The following AIFM3 variants were observed in gnomAD, a reference collection of about 807,000 sequenced individuals.
The protein encoded by AIFM3 is AIF family member 3.
In AIFM3, 71 loss-of-function variants were observed where a neutral mutation model predicts 82.7. The ratio of observed to expected loss-of-function variants is 0.86; its 90% CI spans 0.71 to 1.05. The LOEUF (loss-of-function observed/expected upper bound fraction) is 1.05. Among genes scored for constraint, AIFM3 ranks in the 50% least tolerant of loss-of-function variants. The pLI, the probability that AIFM3 is intolerant of heterozygous loss-of-function variation, is 0.00. For synonymous variants in AIFM3, 337 were observed against 329.1 expected (o/e 1.02, Z -0.26); for missense variants, 748 against 816.7 (o/e 0.92, Z 1.03).
Position 20,976,208 on chromosome 22 carries a change from A to T in AIFM3, c.808-7A>T. On this transcript the variant is annotated splice_polypyrimidine_tract_variant and splice_region_variant and intron_variant, in intron 9 of 20. Coordinates refer to ENST00000440238, the MANE Select transcript of AIFM3 (RefSeq NM_001386814.1). ...CAAGCTCATGCTCTGCCTGGTGGGG[A>T]TTGCAGGTGGTCACAGTGGACGTGA... 6.2e-7 allele frequency: 1 copy of T among 1,612,242 alleles called. No individual in the cohort carries two copies. The highest frequency in any genetic ancestry group is 2.2e-5 in the East Asian group (1 of 44,808).
chr22:20,970,365 C>G (rs1923191868), intron 2 of AIFM3, among the ~76,000 whole-genome samples: 1 of 152,206 alleles, frequency 6.6e-6, no homozygotes, highest in Admixed American at 6.5e-5. Flanking sequence ...TAGCTCGCAG[C>G]AACCTAGAAC....
chr22:20,981,174 CCCCTCCTGGGAGGCCT>C lies in AIFM3; in HGVS notation c.*145_*160del. 8.4e-7 allele frequency: 1 copy of C among 1,196,696 alleles called. No individual in the cohort carries two copies. The highest frequency in any genetic ancestry group is 1.2e-6 in the Non-Finnish European group (1 of 846,238). 74.1% of individuals were successfully genotyped at this position (1,196,696 alleles called of 1,614,324 possible). On this transcript the variant is annotated 3_prime_UTR_variant, in exon 21 of 21. Coordinates refer to ENST00000440238, the MANE Select transcript of AIFM3 (RefSeq NM_001386814.1). ...AGTGCTTGCCTTCAGCCACCTGGCT[CCCCTCCTGGGAGGCCT>C]CTGCTGGATCCAGAAGATGCTCAAC...
rs1267553294 is a variant in AIFM3, at chr22:20,973,781, G to T, written c.269G>T (p.Trp90Leu). 22 of 1,578,338 alleles carry T rather than the reference G, an allele frequency of 1.4e-5. No individual in the cohort carries two copies. The highest frequency in any genetic ancestry group is 1.9e-5 in the Non-Finnish European group (22 of 1,162,146). ...NGQMREVELG[W>L]GKVLLVKDNG... ...AGGATGCGGGAAGTGGAGCTGGGCT[G>T]GGGGAAGGTGTTGCTGGTGAAGGAC... Residue 90 changes from tryptophan to leucine, a missense_variant, in exon 4 of 21, where the codon TGG (tryptophan) becomes TTG (leucine). This residue lies in a region of AIFM3 where 148 missense variants were observed against 134.1 expected (regional missense o/e 1.10). Transcript: ENST00000440238.
At chr22:20,965,686 T>C (rs1281969211), upstream of AIFM3, among the ~76,000 whole-genome samples, 2 of 152,088 alleles carry the variant, frequency 1.3e-5, no homozygotes, top group Admixed American at 6.5e-5. Context: ...GAGTCCGATC[T>C]GGGCAGGAGC....
At chr22:20,971,977 G>A (rs1018357688) in intron 2 of AIFM3, among the ~76,000 whole-genome samples, 2 of 152,044 alleles carry the variant, frequency 1.3e-5, no homozygotes, top group East Asian at 1.9e-4. Flanking sequence ...GGGGGGGGGG[G>A]GCTGTGCCCC....
upstream of AIFM3, chr22:20,966,359 G>A (rs979052751): frequency 6.6e-6 from 1 of 152,298 alleles, no homozygotes; most frequent in Non-Finnish European, 1.5e-5. Flanking sequence ...ATGACAAGTG[G>A]GGGAAAGAGC....
At chr22:20,969,724 G>C (rs1043267305) in intron 2 of AIFM3, among the ~76,000 whole-genome samples, 6 of 152,178 alleles carry the variant, frequency 3.9e-5, no homozygotes, top group Non-Finnish European at 8.8e-5. Flanking sequence ...TCTGAGCTGG[G>C]CTCTGTGCTG....
chr22:20,974,179 C>T lies in AIFM3; in HGVS notation c.465+7C>T, dbSNP rs934534984. On this transcript the variant is annotated splice_region_variant and intron_variant, in intron 5 of 20. Transcript: ENST00000440238. ...CAGTCTACACAAGTTCCAGGTGGGG[C>T]CAGGAGTGCGATGGGGTGGGAACCT... 6.2e-7 allele frequency: 1 copy of T among 1,613,228 alleles called. No individual in the cohort carries two copies. The highest frequency in any genetic ancestry group is 8.5e-7 in the Non-Finnish European group (1 of 1,179,822).
intron 3 of AIFM3, 31 bp from the exon 4 acceptor site, chr22:20,973,727 G>T: frequency 6.6e-7 from 1 of 1,513,434 alleles, no homozygotes; most frequent in South Asian, 1.3e-5. Context: ...CCTGGTGTCT[G>T]GCCTGACCTC....
At chr22:20,968,110 T>C in intron 2 of AIFM3, 135 bp downstream of exon 2, 4 of 915,232 alleles carry the variant, frequency 4.4e-6, no homozygotes, top group Middle Eastern at 2.5e-4. Flanking sequence ...CTCGGAATGT[T>C]AATACGCTGC....
At chr22:20,969,482 T>G (rs915201788) in intron 2 of AIFM3, among the ~76,000 whole-genome samples, 9 of 151,778 alleles carry the variant, frequency 5.9e-5, no homozygotes, top group African/African-American at 2.2e-4. Context: ...CATGCTGGAG[T>G]GCAGTGGCGT....
chr22:20,970,287 G>T (rs140615755), intron 2 of AIFM3, among the ~76,000 whole-genome samples: 2,797 of 152,140 alleles, frequency 0.018, 40 homozygotes, highest in Non-Finnish European at 0.029. Flanking sequence ...TGTTCTCTCT[G>T]TTTTATTTTC....
Position 20,969,375 on chromosome 22 carries a change from A to G in AIFM3, c.31+1400A>G, listed in dbSNP as rs546558411. Reference sequence around the variant, plus strand: ...CCCCTCTCTGAGCCTCTGCATCCTCATTGTAAAGTGGGGCTGTTGTGCCTA... The same window carrying G: ...CCCCTCTCTGAGCCTCTGCATCCTCGTTGTAAAGTGGGGCTGTTGTGCCTA... On this transcript the variant is annotated intron_variant, in intron 2 of 20. Transcript: ENST00000440238. Among the ~76,000 whole-genome samples the G allele has an allele frequency of 1.7e-3, 256 of 151,638 alleles. 3 individuals carry two copies. The highest frequency in any genetic ancestry group is 6.0e-3 in the African/African-American group (248 of 41,322).
At position 20,974,043 on chromosome 22, in the gene AIFM3, C is replaced by A; in HGVS notation, c.356-20C>A. ...AGCAACCCCTGCTGGTGGGCGCAGC[C>A]TAACACCTCCCCTTCCCAGGCGTTC... is the stretch of plus-strand genomic sequence containing the variant. On this transcript the variant is annotated intron_variant, in intron 4 of 20. Transcript: ENST00000440238. The A allele has an allele frequency of 6.3e-7, 1 of 1,590,760 alleles. No homozygotes were observed. Among genetic ancestry groups the A allele is most frequent in the Non-Finnish European group, 8.5e-7 (1 of 1,171,452 alleles).
intron 4 of AIFM3, 55 bp from the exon 5 acceptor site, chr22:20,974,008 A>G: frequency 6.5e-7 from 1 of 1,542,014 alleles, no homozygotes; most frequent in Non-Finnish European, 8.7e-7. Flanking sequence ...GGGCACTGAG[A>G]TCCTTGGGAA....
Position 20,979,793 on chromosome 22 carries a change from C to T in AIFM3, c.1652+91C>T, listed in dbSNP as rs1923965859. 4.0e-6 allele frequency: 6 copies of T among 1,515,398 alleles called. 1 individual carries two copies. Among genetic ancestry groups the T allele is most frequent in the South Asian group, 1.1e-5 (1 of 87,252 alleles). The allele number at this position is 1,515,398 out of a possible 1,614,324, so 93.9% of individuals were successfully genotyped here. On this transcript the variant is annotated intron_variant, in intron 18 of 20. Transcript: ENST00000440238. Reference sequence around the variant, plus strand: ...CCAGGCAAAATCCCAGAACAAGAGCCCAGCCCTGAGCCCCGCTGAGGAGTG... The same window carrying T: ...CCAGGCAAAATCCCAGAACAAGAGCTCAGCCCTGAGCCCCGCTGAGGAGTG...
chr22:20,970,445 A>G (rs1923197215), intron 2 of AIFM3, among the ~76,000 whole-genome samples: 1 of 151,628 alleles, frequency 6.6e-6, no homozygotes, highest in Non-Finnish European at 1.5e-5. Flanking sequence ...CACGACTGGC[A>G]ATTTTATTTA....
Position 20,981,046 on chromosome 22 carries a change from G to T in AIFM3, c.*15G>T, listed in dbSNP as rs1364405166. On this transcript the variant is annotated 3_prime_UTR_variant, in exon 21 of 21. Transcript: ENST00000440238. Reference sequence around the variant, plus strand: ...AAGGATCCTGAGCTCACATGCAGTAGACTTGGGCAGGCAAAGGGGGCACCA... The same window carrying T: ...AAGGATCCTGAGCTCACATGCAGTATACTTGGGCAGGCAAAGGGGGCACCA... 1 of 1,614,118 alleles carries T rather than the reference G, an allele frequency of 6.2e-7. No individual in the cohort carries two copies. The highest frequency in any genetic ancestry group is 1.1e-5 in the South Asian group (1 of 91,058).
At position 20,976,575 on chromosome 22, in the gene AIFM3, C is replaced by T. The variant is rs775711428; in HGVS notation, c.1030+37C>T. ...TGGGCAGTGGAGATGGTGGTCAGGT[C>T]GTCATGGCCAGTCCCAGGGAAGTTC... is the stretch of plus-strand genomic sequence containing the variant. On this transcript the variant is annotated intron_variant, in intron 11 of 20. Transcript: ENST00000440238. 2.1e-5 allele frequency: 34 copies of T among 1,612,722 alleles called. No homozygotes were observed. The East Asian group carries it at 5.3e-4, about 25-fold the overall frequency.
Sources: gnomAD v4.1 joint callset for allele counts (sites outside exome capture counted in the v4.1 genomes callset) on GRCh38, gnomAD v4.1.1 for gene constraint, gnomAD v4.1.1 regional missense constraint, MANE v1.5 for transcripts, NCBI Gene and HGNC (gene_info 2026-07-23, HGNC 2026-07-21) for gene names.